Variants in DGKB observed in about 807,000 individuals in gnomAD.
The protein encoded by DGKB is diacylglycerol kinase beta.
In DGKB, 67 loss-of-function variants were observed where a neutral mutation model predicts 114.3. That is an observed-to-expected ratio of 0.59 (90% CI 0.48 to 0.72). DGKB has a LOEUF of 0.72. Ranked by LOEUF, DGKB falls within the 30% of genes least tolerant of loss-of-function variation. DGKB has a pLI of 0.00. For synonymous variants in DGKB, 398 were observed against 323.1 expected (o/e 1.23, Z -2.49); for missense variants, 907 against 975.2 (o/e 0.93, Z 0.93).
chr7:14,280,872 G>C (rs1414551313), intron 23 of DGKB, among the ~76,000 whole-genome samples: 5 of 151,776 alleles, frequency 3.3e-5, no homozygotes, highest in African/African-American at 4.8e-5. Context: ...GCTAAACATG[G>C]AAAGGAACAA....
chr7:14,604,351 T>C (rs1166120018), intron 17 of DGKB, among the ~76,000 whole-genome samples: 1 of 152,098 alleles, frequency 6.6e-6, no homozygotes, highest in African/African-American at 2.4e-5. Context: ...TTCAAGAAAG[T>C]TATTTCCTCT....
intron 2 of DGKB, among the ~76,000 whole-genome samples, chr7:14,808,600 A>G (rs1365166623): frequency 6.6e-6 from 1 of 152,164 alleles, no homozygotes; most frequent in Non-Finnish European, 1.5e-5. Flanking sequence ...CTTGATGGAA[A>G]TAATAATTGG....
intron 20 of DGKB, among the ~76,000 whole-genome samples, chr7:14,501,033 T>G (rs533647254): frequency 1.3e-5 from 2 of 151,946 alleles, no homozygotes; most frequent in East Asian, 3.9e-4. Context: ...TTAATAAGCT[T>G]GATGAGTTTG....
chr7:14,531,837 T>C (rs1426701642), intron 20 of DGKB, among the ~76,000 whole-genome samples: 1 of 151,066 alleles, frequency 6.6e-6, no homozygotes, highest in Non-Finnish European at 1.5e-5. Context: ...AATAGGCATA[T>C]AAATAAATGA....
chr7:14,530,625 G>A (rs1791427746), intron 20 of DGKB, among the ~76,000 whole-genome samples: 1 of 151,382 alleles, frequency 6.6e-6, no homozygotes, highest in Non-Finnish European at 1.5e-5. Flanking sequence ...ATACAGATGA[G>A]ATAAAGCTAC....
intron 21 of DGKB, among the ~76,000 whole-genome samples, chr7:14,439,421 A>G (rs1318009684): frequency 6.6e-6 from 1 of 152,128 alleles, no homozygotes; most frequent in East Asian, 1.9e-4. Context: ...CCTTGATGAA[A>G]TGAAATGCCA....
At chr7:14,200,944 G>C (rs747203617) in intron 23 of DGKB, among the ~76,000 whole-genome samples, 1 of 152,002 alleles carries the variant, frequency 6.6e-6, no homozygotes, top group South Asian at 2.1e-4. Flanking sequence ...CTAGGGTGTA[G>C]TTAAAAATTC....
intron 23 of DGKB, among the ~76,000 whole-genome samples, chr7:14,193,520 A>T (rs1041781245): frequency 2.6e-5 from 4 of 152,218 alleles, no homozygotes; most frequent in Non-Finnish European, 4.4e-5. Context: ...CTAGACCCTG[A>T]CTCATGTTAT....
intron 1 of DGKB, among the ~76,000 whole-genome samples, chr7:14,950,271 C>T (rs1786114524): frequency 6.6e-6 from 1 of 151,870 alleles, no homozygotes; most frequent in African/African-American, 2.4e-5. Context: ...TCTAAAGTCA[C>T]ATTTATAGCT....
chr7:14,931,383 T>A (rs1347363969), intron 1 of DGKB, among the ~76,000 whole-genome samples: 1 of 152,252 alleles, frequency 6.6e-6, no homozygotes, highest in Non-Finnish European at 1.5e-5. Context: ...GTGCTGGGAT[T>A]ACAGGCGTGA....
intron 23 of DGKB, among the ~76,000 whole-genome samples, chr7:14,262,147 AT>A (rs1294902997): frequency 6.6e-6 from 1 of 152,172 alleles, no homozygotes; most frequent in African/African-American, 2.4e-5. Flanking sequence ...TATCAGTTGA[AT>A]TTGCAGCCTA....
chr7:14,558,247 CTTAGT>C (rs945676798), intron 20 of DGKB, among the ~76,000 whole-genome samples: 50 of 151,452 alleles, frequency 3.3e-4, no homozygotes, highest in African/African-American at 1.1e-3. Flanking sequence ...TGAATTTTCT[CTTAGT>C]TTATATTATC....
chr7:14,568,296 G>A lies in DGKB; in HGVS notation c.1770+5916C>T, dbSNP rs1024351731. The stretch of plus-strand genomic sequence containing the variant: ...TAATTATGATTTCAGGATCATTTCC[G>A]ATAGTTCTGGCTAAATTGGAAAAGC... On this transcript the variant is annotated intron_variant, in intron 20 of 25. Coordinates refer to ENST00000402815, the MANE Select transcript of DGKB (RefSeq NM_001350709.2). Among the ~76,000 whole-genome samples the A allele has an allele frequency of 5.9e-5, 9 of 152,106 alleles. No homozygotes were observed. In the East Asian group the frequency reaches 1.2e-3, roughly 20 times the overall value.
chr7:14,440,522 A>G (rs1336452417), intron 21 of DGKB, among the ~76,000 whole-genome samples: 1 of 152,142 alleles, frequency 6.6e-6, no homozygotes, highest in East Asian at 1.9e-4. Context: ...GTTCTTTTAA[A>G]AGCCAAAATG....
intron 1 of DGKB, among the ~76,000 whole-genome samples, chr7:14,898,572 T>G (rs566417067): frequency 1.7e-3 from 259 of 152,232 alleles, no homozygotes; most frequent in Non-Finnish European, 1.4e-3. Flanking sequence ...TTACTATCAT[T>G]ATTTTTAAAC....
At chr7:14,623,308 A>C (rs1037899206) in intron 14 of DGKB, among the ~76,000 whole-genome samples, 1 of 152,098 alleles carries the variant, frequency 6.6e-6, no homozygotes, top group Non-Finnish European at 1.5e-5. Flanking sequence ...TAGTTCCTAT[A>C]TTTGCTTGTT....
intron 1 of DGKB, among the ~76,000 whole-genome samples, chr7:14,909,006 T>G (rs1783849326): frequency 8.0e-6 from 1 of 124,870 alleles, no homozygotes. Context: ...TTTCTCAGTC[T>G]ATGACTGGCT....
intron 20 of DGKB, among the ~76,000 whole-genome samples, chr7:14,557,564 T>C (rs551643989): frequency 6.6e-6 from 1 of 152,102 alleles, no homozygotes; most frequent in Non-Finnish European, 1.5e-5. Context: ...AATTTGACTA[T>C]TGCTTATTTT....
chr7:14,553,361 A>G (rs758418105), intron 20 of DGKB, among the ~76,000 whole-genome samples: 1 of 152,194 alleles, frequency 6.6e-6, no homozygotes, highest in Non-Finnish European at 1.5e-5. Flanking sequence ...GTGTTCTCCA[A>G]TACTAATTCC....
Sources: allele counts gnomAD v4.1 joint callset (sites outside exome capture counted in the v4.1 genomes callset), GRCh38; gene constraint gnomAD v4.1.1; transcripts MANE v1.5; gene names NCBI Gene and HGNC (gene_info 2026-07-23, HGNC 2026-07-21).